Variants in PAX5 observed in about 807,000 individuals in gnomAD.
The protein encoded by PAX5 is paired box protein Pax-5.
A neutral mutation model predicts 43.7 loss-of-function variants in PAX5; 9 were observed. The ratio of observed to expected loss-of-function variants is 0.21; its 90% CI spans 0.12 to 0.36. PAX5 has a LOEUF of 0.36. PAX5 is among the 10% of genes least tolerant of loss of function. The pLI, the probability that PAX5 is intolerant of heterozygous loss-of-function variation, is 1.00. For synonymous variants in PAX5, 228 were observed against 214.3 expected, an observed-to-expected ratio of 1.06 and a Z score of -0.56; for missense variants, 383 against 532.7, an observed-to-expected ratio of 0.72 and a Z score of 2.77.
intron 1 of PAX5, among the ~76,000 whole-genome samples, chr9:37,021,432 C>A (rs1386095713): frequency 6.6e-6 from 1 of 152,168 alleles, no homozygotes; most frequent in Non-Finnish European, 1.5e-5. Flanking sequence ...GACCACTGTA[C>A]CTTCTCAAAG....
Position 36,836,590 on chromosome 9 carries a change from C to T in PAX5, c.*3970G>A, listed in dbSNP as rs1296690086. 8.6e-6 allele frequency: 2 copies of T among 232,884 alleles called. No homozygotes were observed. The highest frequency in any genetic ancestry group is 1.7e-5 in the Non-Finnish European group (2 of 117,884). 14.4% of individuals were successfully genotyped at this position (232,884 alleles called of 1,614,324 possible). A position where few individuals can be genotyped will look rare whatever the true frequency, so the allele number is the denominator to read the frequency against. ...TCTGGGCATCTCGGGCACTGCTGCACCGTACTGTCTGGTGCGCTGCCCGAG... is the reference window on the plus strand; with the variant it reads ...TCTGGGCATCTCGGGCACTGCTGCATCGTACTGTCTGGTGCGCTGCCCGAG... On this transcript the variant is annotated 3_prime_UTR_variant, in exon 10 of 10. Transcript: ENST00000358127.
intron 6 of PAX5, among the ~76,000 whole-genome samples, chr9:36,955,776 A>ATATATATATATATAT (rs1011804806): frequency 2.7e-5 from 2 of 73,820 alleles, no homozygotes; most frequent in African/African-American, 7.3e-5. Flanking sequence ...GTTTCAAAAA[A>ATATATATATATATAT]AAAAAAATAT....
At chr9:36,879,196 G>A (rs1436750677) in intron 8 of PAX5, among the ~76,000 whole-genome samples, 2 of 152,210 alleles carry the variant, frequency 1.3e-5, no homozygotes, top group Non-Finnish European at 2.9e-5. Context: ...TGTGATTCCT[G>A]CTGCCCTGTT....
chr9:36,943,348 C>T (rs1466473628), intron 6 of PAX5, among the ~76,000 whole-genome samples: 1 of 152,146 alleles, frequency 6.6e-6, no homozygotes, highest in Non-Finnish European at 1.5e-5. Context: ...ATCTGTTTCC[C>T]CATTCTTTCC....
At chr9:36,954,648 G>T (rs959260331) in intron 6 of PAX5, among the ~76,000 whole-genome samples, 1 of 151,994 alleles carries the variant, frequency 6.6e-6, no homozygotes, top group African/African-American at 2.4e-5. Context: ...TCTTGTCTTT[G>T]ATGTTCTTCA....
intron 8 of PAX5, among the ~76,000 whole-genome samples, chr9:36,859,418 G>A (rs10814461): frequency 0.13 from 20,427 of 152,056 alleles, 1,511 homozygotes; most frequent in Middle Eastern, 0.27. Context: ...CAGCTGCTTC[G>A]GCTCTCCTGG....
At chr9:36,919,752 A>G (rs920518538) in intron 7 of PAX5, among the ~76,000 whole-genome samples, 2 of 147,220 alleles carry the variant, frequency 1.4e-5, no homozygotes, top group East Asian at 4.1e-4. Context: ...GAGGCAGAGA[A>G]TTGCTTGAAC....
chr9:36,949,048 T>C (rs538303332), intron 6 of PAX5, among the ~76,000 whole-genome samples: 1 of 152,234 alleles, frequency 6.6e-6, no homozygotes, highest in African/African-American at 2.4e-5. Flanking sequence ...AGTATTGCTG[T>C]TTTTTTGTTT....
At chr9:36,887,542 C>G (rs1827007741) in intron 7 of PAX5, among the ~76,000 whole-genome samples, 1 of 152,158 alleles carries the variant, frequency 6.6e-6, no homozygotes, top group South Asian at 2.1e-4. Flanking sequence ...TCTACAAGTA[C>G]TAGAAGAAAA....
At chr9:36,869,234 A>G (rs1242053041) in intron 8 of PAX5, among the ~76,000 whole-genome samples, 1 of 152,194 alleles carries the variant, frequency 6.6e-6, no homozygotes, top group Admixed American at 6.5e-5. Flanking sequence ...CAGCCCCAGT[A>G]GATTAAAGCT....
At chr9:36,980,776 A>G (rs2132273276) in intron 5 of PAX5, among the ~76,000 whole-genome samples, 2 of 152,180 alleles carry the variant, frequency 1.3e-5, no homozygotes, top group South Asian at 4.2e-4. Flanking sequence ...TGATTAGGAG[A>G]GAAGGTATGC....
intron 3 of PAX5, among the ~76,000 whole-genome samples, chr9:37,013,075 C>A (rs533845288): frequency 1.0e-4 from 15 of 149,148 alleles, no homozygotes; most frequent in South Asian, 2.2e-4. Context: ...CATAGGGAGA[C>A]CCCCATCTCT....
chr9:36,864,149 A>G, intron 8 of PAX5: 1 of 154,158 alleles, frequency 6.5e-6, no homozygotes, highest in South Asian at 2.0e-4. Flanking sequence ...GGTGTCAGCT[A>G]CTGCTACAAA....
intron 1 of PAX5, among the ~76,000 whole-genome samples, chr9:37,025,785 C>T (rs551218111): frequency 5.9e-5 from 9 of 152,294 alleles, no homozygotes; most frequent in African/African-American, 2.2e-4. Flanking sequence ...CTTTCAGAGG[C>T]GGGGGTGCCT....
chr9:36,888,074 A>T (rs547998661), intron 7 of PAX5, among the ~76,000 whole-genome samples: 3 of 152,306 alleles, frequency 2.0e-5, no homozygotes, highest in Admixed American at 6.5e-5. Context: ...ACCACAATAA[A>T]ACACCACTTC....
Position 36,840,606 on chromosome 9 carries a change from C to G in PAX5, c.1130G>C (p.Arg377Pro). The G allele has an allele frequency of 6.3e-7, 1 of 1,579,312 alleles. No individual in the cohort carries two copies. The highest frequency in any genetic ancestry group is 8.6e-7 in the Non-Finnish European group (1 of 1,163,448). ...GSPYYYSAAA[R>P]GAAPPAAATA... ...GGCGGCTGCAGGTGGGGCGGCTCCT[C>G]GGGCGGCAGCGCTATAATAGTAGGG... The change falls in exon 10 of 10, where the codon CGA (arginine) becomes CCA (proline). Residue 377 changes from arginine to proline, a missense_variant. Physicochemically the swap from Arg to Pro is moderately radical, Grantham distance 103. This residue lies in a region of PAX5 where 291 missense variants were observed against 342.5 expected (regional missense o/e 0.85). Transcript: ENST00000358127.
At chr9:36,966,830 C>T in intron 5 of PAX5, 106 bp from the exon 6 acceptor site, 1 of 980,606 alleles carries the variant, frequency 1.0e-6, no homozygotes, top group Non-Finnish European at 1.5e-6. Context: ...CCAACTCCCT[C>T]CCTGACCAGA....
intron 3 of PAX5, among the ~76,000 whole-genome samples, chr9:37,012,166 G>T (rs1176230841): frequency 6.6e-6 from 1 of 152,134 alleles, no homozygotes; most frequent in East Asian, 1.9e-4. Context: ...CAGGCAGCCA[G>T]GCAGCAGAAC....
rs975679076 is a variant in PAX5, at chr9:37,034,186, G to A, written c.-155C>T. On this transcript the variant is annotated 5_prime_UTR_variant, in exon 1 of 10. Transcript: ENST00000358127. ...AAGCCTTCCGCTCCCCCGCCGAGCT[G>A]GGGTAGCTGATCACTGAGCTGAAAC... is the stretch of plus-strand genomic sequence containing the variant. The A allele has an allele frequency of 2.6e-5, 16 of 606,690 alleles. No homozygotes were observed. The highest frequency in any genetic ancestry group is 4.3e-5 in the Non-Finnish European group (15 of 350,302). The allele number at this position is 606,690 out of a possible 1,614,324, so 37.6% of individuals were successfully genotyped here.
Sources: allele counts gnomAD v4.1 joint callset (sites outside exome capture counted in the v4.1 genomes callset), GRCh38; gene constraint gnomAD v4.1.1; regional missense constraint gnomAD v4.1.1; transcripts MANE v1.5; gene names NCBI Gene and HGNC (gene_info 2026-07-23, HGNC 2026-07-21).